The following CERS6 variants were observed in gnomAD, a reference collection of about 807,000 sequenced individuals.
CERS6 encodes the protein LAG1 homolog, ceramide synthase 6.
CERS6 carries 26 observed loss-of-function variants against 56.8 expected under a neutral mutation model. The ratio of observed to expected loss-of-function variants is 0.46; its 90% confidence interval spans 0.34 to 0.63. The LOEUF (loss-of-function observed/expected upper bound fraction) is 0.63. CERS6 is among the 30% of genes least tolerant of loss of function. CERS6 has a pLI of 0.01. For missense variants in CERS6, 415 were observed against 467.5 expected, an observed-to-expected ratio of 0.89 and a Z score of 1.04; for synonymous variants, 164 against 173.3, an observed-to-expected ratio of 0.95 and a Z score of 0.42.
chr2:168,721,541 AGTTTTT>A (rs1166333096), intron 8 of CERS6, among the ~76,000 whole-genome samples: 9 of 76,804 alleles, frequency 1.2e-4, no homozygotes, highest in African/African-American at 3.0e-4. Context: ...CTTTTTCTTT[AGTTTTT>A]GTTTTTGTTT....
At chr2:168,498,714 C>T (rs1195080854) in intron 1 of CERS6, among the ~76,000 whole-genome samples, 1 of 152,208 alleles carries the variant, frequency 6.6e-6, no homozygotes, top group African/African-American at 2.4e-5. Context: ...AGAACCACGC[C>T]GTGGCTGGTG....
At chr2:168,641,057 G>A (rs1685024519) in intron 4 of CERS6, among the ~76,000 whole-genome samples, 1 of 152,090 alleles carries the variant, frequency 6.6e-6, no homozygotes, top group South Asian at 2.1e-4. Flanking sequence ...ATGGATTGCT[G>A]TAAAATTACA....
intron 6 of CERS6, among the ~76,000 whole-genome samples, chr2:168,701,514 A>G (rs1361567846): frequency 6.6e-6 from 1 of 152,192 alleles, no homozygotes; most frequent in East Asian, 1.9e-4. Context: ...CCAAACTACT[A>G]CTAATAGTAG....
chr2:168,679,490 A>G (rs1686154447), intron 4 of CERS6, among the ~76,000 whole-genome samples: 1 of 152,248 alleles, frequency 6.6e-6, no homozygotes, highest in Non-Finnish European at 1.5e-5. Flanking sequence ...ATGTATATCC[A>G]GATGTGTCTA....
chr2:168,689,531 A>G (rs191412278), intron 4 of CERS6, among the ~76,000 whole-genome samples: 1 of 152,276 alleles, frequency 6.6e-6, no homozygotes, highest in African/African-American at 2.4e-5. Flanking sequence ...ACTGAACTAT[A>G]AAAACACAGT....
At position 168,522,640 on chromosome 2, in the gene CERS6, C is replaced by T. The variant is rs977464576; in HGVS notation, c.171-24956C>T. On this transcript the variant is annotated intron_variant, in intron 1 of 9. Coordinates refer to ENST00000305747, the MANE Select transcript of CERS6 (RefSeq NM_203463.3). ...CTTGACCTCCCAGGCTCAAGTGATC[C>T]TCCAGTTTCATTCCCCTCCCACTGA... 3.3e-5 allele frequency among the ~76,000 whole-genome samples: 5 copies of T among 152,078 alleles called. 1 individual carries two copies. In the South Asian group the frequency reaches 6.2e-4, roughly 19 times the overall value.
At position 168,715,018 on chromosome 2, in the gene CERS6, C is replaced by T. The variant is rs1687192674; in HGVS notation, c.627C>T (p.Phe209=). The change falls in exon 7 of 10, where the codon TTC becomes TTT. Residue 209 remains phenylalanine, a synonymous_variant. Coordinates refer to ENST00000305747, the MANE Select transcript of CERS6 (RefSeq NM_203463.3). ...TCCTCAAGGACTTTGGCATTATGTTCCTGCACCACCTTGTATCTATTTTCT... is the reference window on the plus strand; with the variant it reads ...TCCTCAAGGACTTTGGCATTATGTTTCTGCACCACCTTGTATCTATTTTCT... ...DIKRKDFGIM[F]LHHLVSIFLI... 6.2e-7 allele frequency: 1 copy of T among 1,606,610 alleles called. No individual in the cohort carries two copies. Among genetic ancestry groups the T allele is most frequent in the Non-Finnish European group, 8.5e-7 (1 of 1,177,054 alleles).
At chr2:168,564,379 A>G (rs1167683835) in intron 3 of CERS6, among the ~76,000 whole-genome samples, 11 of 152,178 alleles carry the variant, frequency 7.2e-5, no homozygotes. Flanking sequence ...TTATAGCCCA[A>G]TATGCTTTCA....
intron 3 of CERS6, among the ~76,000 whole-genome samples, chr2:168,619,001 G>C (rs1026016871): frequency 3.9e-5 from 6 of 152,112 alleles, no homozygotes; most frequent in Non-Finnish European, 7.4e-5. Flanking sequence ...GCATGGTACT[G>C]GTATAAAAAT....
At chr2:168,763,304 C>T (rs1264945796) in intron 8 of CERS6, among the ~76,000 whole-genome samples, 1 of 139,828 alleles carries the variant, frequency 7.2e-6, no homozygotes, top group South Asian at 2.3e-4. Flanking sequence ...TGTAGTGGTA[C>T]GATCTTGGCT....
chr2:168,539,563 G>A (rs1695328539), intron 1 of CERS6, among the ~76,000 whole-genome samples: 1 of 152,138 alleles, frequency 6.6e-6, no homozygotes, highest in African/African-American at 2.4e-5. Context: ...GTCTTAGGTA[G>A]GATTTAACAA....
chr2:168,502,550 G>A (rs893292493), intron 1 of CERS6, among the ~76,000 whole-genome samples: 37 of 152,234 alleles, frequency 2.4e-4, no homozygotes, highest in African/African-American at 7.7e-4. Context: ...TTTGATATTG[G>A]CTAGGGCTCA....
At chr2:168,595,710 T>C (rs1683781125) in intron 3 of CERS6, among the ~76,000 whole-genome samples, 2 of 152,232 alleles carry the variant, frequency 1.3e-5, no homozygotes, top group Non-Finnish European at 2.9e-5. Flanking sequence ...ATATCATCTT[T>C]ACCTTGTCTT....
chr2:168,631,571 T>TATAATATATATTTAATATTTATATATTAA (rs1684726522), intron 4 of CERS6, among the ~76,000 whole-genome samples: 1 of 119,922 alleles, frequency 8.3e-6, no homozygotes. Flanking sequence ...ATATATTAAA[T>TATAATATATATTTAATATTTATATATTAA]ATAATATATA....
At chr2:168,716,574 A>G (rs1041912259) in intron 7 of CERS6, among the ~76,000 whole-genome samples, 108 of 152,304 alleles carry the variant, frequency 7.1e-4, no homozygotes, top group African/African-American at 2.5e-3. Context: ...AGAGTATTCA[A>G]TTAATGAGAT....
At position 168,468,287 on chromosome 2, in the gene CERS6, A is replaced by T. The variant is rs376979018; in HGVS notation, c.170+11669A>T. On this transcript the variant is annotated intron_variant, in intron 1 of 9. Coordinates refer to ENST00000305747, the MANE Select transcript of CERS6 (RefSeq NM_203463.3). ...CTTTCAGTGATATGCAGATATCTCC[A>T]CCTACTTCCCCTGGTCTAGCCCCAG... Among the ~76,000 whole-genome samples the T allele has an allele frequency of 3.2e-4, 49 of 152,246 alleles. No homozygotes were observed. The South Asian group carries it at 1.0e-2, about 31-fold the overall frequency.
intron 6 of CERS6, among the ~76,000 whole-genome samples, chr2:168,710,068 C>T (rs1687052048): frequency 6.6e-6 from 1 of 152,076 alleles, no homozygotes; most frequent in South Asian, 2.1e-4. Flanking sequence ...AACTGTGAGT[C>T]CTTCAGTAAT....
intron 5 of CERS6, among the ~76,000 whole-genome samples, chr2:168,692,203 G>A (rs1424212858): frequency 6.6e-6 from 1 of 152,158 alleles, no homozygotes; most frequent in African/African-American, 2.4e-5. Flanking sequence ...CTAAAGCAGT[G>A]TTGACACCAA....
chr2:168,569,805 G>A (rs1352900188), intron 3 of CERS6, among the ~76,000 whole-genome samples: 8 of 152,164 alleles, frequency 5.3e-5, no homozygotes, highest in Admixed American at 5.2e-4. Flanking sequence ...ATTTGGGAGG[G>A]TTGCTGGCCA....
Sources: allele counts gnomAD v4.1 joint callset (sites outside exome capture counted in the v4.1 genomes callset), GRCh38; gene constraint gnomAD v4.1.1; transcripts MANE v1.5; gene names NCBI Gene and HGNC (gene_info 2026-07-23, HGNC 2026-07-21).